The following AAMDC variants were observed in gnomAD, a reference collection of about 807,000 sequenced individuals.
The protein encoded by AAMDC is adipogenesis associated Mth938 domain containing.
Under a neutral mutation model 15.5 loss-of-function variants are expected in AAMDC, and 16 were observed. The ratio of observed to expected loss-of-function variants is 1.03; its 90% CI spans 0.70 to 1.57. AAMDC has a LOEUF of 1.57. Among genes scored for constraint, AAMDC ranks in the 40% most tolerant of loss-of-function variants. The pLI, the probability that AAMDC is intolerant of heterozygous loss-of-function variation, is 0.00. For synonymous variants in AAMDC, 51 were observed against 51.6 expected (o/e 0.99, Z 0.05); for missense variants, 141 against 144.9 (o/e 0.97, Z 0.14).
intron 1 of AAMDC, among the ~76,000 whole-genome samples, chr11:77,836,352 T>C (rs1949681088): frequency 6.6e-6 from 1 of 151,884 alleles, no homozygotes; most frequent in African/African-American, 2.4e-5. Flanking sequence ...CCTAATCTAA[T>C]AGGATGGGTG....
intron 2 of AAMDC, among the ~76,000 whole-genome samples, chr11:77,860,975 C>T (rs1950852674): frequency 6.6e-6 from 1 of 152,150 alleles, no homozygotes; most frequent in Non-Finnish European, 1.5e-5. Context: ...CATGGTTTTA[C>T]TAGGCCGTGG....
chr11:77,904,386 A>C (rs575932255), downstream of AAMDC, among the ~76,000 whole-genome samples: 4 of 152,366 alleles, frequency 2.6e-5, no homozygotes, highest in East Asian at 7.7e-4. Context: ...TTAAGATACA[A>C]AGACTAAGTT....
At chr11:77,852,545 CTG>C (rs1950441319) in intron 2 of AAMDC, among the ~76,000 whole-genome samples, 1 of 152,166 alleles carries the variant, frequency 6.6e-6, no homozygotes, top group African/African-American at 2.4e-5. Context: ...TCCTCCAACA[CTG>C]GGGATTACAA....
intron 1 of AAMDC, among the ~76,000 whole-genome samples, chr11:77,824,533 T>A (rs1285157353): frequency 1.3e-5 from 2 of 152,218 alleles, no homozygotes; most frequent in East Asian, 3.8e-4. Flanking sequence ...TAAATTGTGA[T>A]ATACTACTCA....
intron 5 of AAMDC, among the ~76,000 whole-genome samples, chr11:77,898,005 G>A (rs1952605659): frequency 6.6e-6 from 1 of 151,906 alleles, no homozygotes; most frequent in Non-Finnish European, 1.5e-5. Flanking sequence ...TAGAGACAGG[G>A]TCTCATTATG....
intron 5 of AAMDC, among the ~76,000 whole-genome samples, chr11:77,884,401 G>A (rs1214603219): frequency 3.9e-5 from 6 of 152,184 alleles, no homozygotes; most frequent in Middle Eastern, 3.4e-3. Context: ...CTCTCTCTAC[G>A]GAGAGACGGC....
chr11:77,832,096 C>G (rs1949455900), intron 1 of AAMDC: 1 of 151,932 alleles, frequency 6.6e-6, no homozygotes, highest in African/African-American at 2.4e-5. Flanking sequence ...AAGTCCAAAT[C>G]TCTTGACATA....
At chr11:77,868,016 C>T (rs1229779801) in intron 2 of AAMDC, among the ~76,000 whole-genome samples, 2 of 151,146 alleles carry the variant, frequency 1.3e-5, no homozygotes, top group East Asian at 1.9e-4. Flanking sequence ...ACAAGTTGTA[C>T]TGACTTTAAC....
chr11:77,871,861 C>T (rs1490495290), intron 3 of AAMDC, among the ~76,000 whole-genome samples: 4 of 152,208 alleles, frequency 2.6e-5, no homozygotes, highest in African/African-American at 9.7e-5. Context: ...AAAACAAAGA[C>T]TCAGAGAATT....
chr11:77,896,688 G>A, intron 5 of AAMDC, among the ~76,000 whole-genome samples: 1 of 144,790 alleles, frequency 6.9e-6, no homozygotes, highest in African/African-American at 2.5e-5. Context: ...TCAGAATACA[G>A]AATAGAAAAA....
intron 5 of AAMDC, chr11:77,900,488 G>A (rs572965691): frequency 5.4e-4 from 311 of 571,538 alleles, no homozygotes; most frequent in African/African-American, 5.2e-3. Flanking sequence ...TTATTTTTCA[G>A]GATGTTATTT....
chr11:77,891,928 G>A, intron 5 of AAMDC: 1 of 1,582,230 alleles, frequency 6.3e-7, no homozygotes, highest in South Asian at 1.2e-5. Flanking sequence ...AAACCCTGAA[G>A]TAGGAAGAAT....
chr11:77,853,073 T>C (rs1950468038), intron 2 of AAMDC, among the ~76,000 whole-genome samples: 1 of 152,226 alleles, frequency 6.6e-6, no homozygotes. Context: ...AGATTGTGCT[T>C]AAAGAGTAAA....
intron 2 of AAMDC, among the ~76,000 whole-genome samples, chr11:77,858,425 C>G (rs941115912): frequency 1.4e-5 from 2 of 138,876 alleles, no homozygotes; most frequent in Non-Finnish European, 3.0e-5. Context: ...CTGCTGTGCT[C>G]TCAGGCGATA....
chr11:77,878,761 G>C (rs1168440684), intron 5 of AAMDC: 1 of 694,746 alleles, frequency 1.4e-6, no homozygotes, highest in Non-Finnish European at 2.6e-6. Flanking sequence ...AGAAGGGTAA[G>C]TAGACTTGAA....
downstream of AAMDC, chr11:77,901,234 C>T: frequency 4.4e-6 from 3 of 678,178 alleles, no homozygotes; most frequent in South Asian, 5.3e-5. Context: ...ATTGGATTTC[C>T]AAGGGTCTAA....
chr11:77,881,250 T>A (rs1300669530), intron 5 of AAMDC, among the ~76,000 whole-genome samples: 1 of 152,176 alleles, frequency 6.6e-6, no homozygotes, highest in South Asian at 2.1e-4. Flanking sequence ...TTTCTCAGGA[T>A]CACACAGCAA....
chr11:77,863,987 C>T (rs1166316065), intron 2 of AAMDC, among the ~76,000 whole-genome samples: 1 of 151,250 alleles, frequency 6.6e-6, no homozygotes, highest in Non-Finnish European at 1.5e-5. Context: ...AGTTCAGTGG[C>T]GCGATCCTGG....
At position 77,888,372 on chromosome 11, in the gene AAMDC, T is replaced by C. The variant is rs1479297392; in HGVS notation, c.328+11323T>C. 3.3e-5 allele frequency among the ~76,000 whole-genome samples: 5 copies of C among 152,360 alleles called. No homozygotes were observed. In the East Asian group the frequency reaches 9.6e-4, roughly 29 times the overall value. On this transcript the variant is annotated intron_variant, in intron 5 of 5. Transcript: ENST00000304716. ...GTGCTGGGAAAACTGGCTAGTCATA[T>C]GTAGAAAGCTGAAACTGGATCCCTT...
Sources: gnomAD v4.1 joint callset for allele counts (sites outside exome capture counted in the v4.1 genomes callset) on GRCh38, gnomAD v4.1.1 for gene constraint, MANE v1.5 for transcripts, NCBI Gene and HGNC (gene_info 2026-07-23, HGNC 2026-07-21) for gene names.